GSAP: variants seen among roughly 807,000 people sequenced by gnomAD.
GSAP encodes gamma-secretase-activating protein.
Under a neutral mutation model 131.7 loss-of-function variants are expected in GSAP, and 118 were observed. The observed-to-expected ratio is 0.90, with a 90% confidence interval of 0.77 to 1.04. GSAP has a LOEUF of 1.04. GSAP is among the 50% of genes least tolerant of loss of function. The pLI is 0.00. For missense variants in GSAP, 1,019 were observed against 1,013.2 expected (o/e 1.01, Z -0.08); for synonymous variants, 381 against 363.4 (o/e 1.05, Z -0.55).
chr7:77,318,833 C>A (rs1787221393), intron 26 of GSAP, among the ~76,000 whole-genome samples: 3 of 145,158 alleles, frequency 2.1e-5, no homozygotes, highest in Admixed American at 1.5e-4. Flanking sequence ...AAAGCACAAA[C>A]AATGAAAACA....
At chr7:77,372,177 C>T (rs1486840794) in intron 12 of GSAP, among the ~76,000 whole-genome samples, 1 of 152,146 alleles carries the variant, frequency 6.6e-6, no homozygotes, top group African/African-American at 2.4e-5. Context: ...TGTAAGTAAA[C>T]AATTGGATAA....
intron 14 of GSAP, 140 bp from the exon 15 acceptor site, chr7:77,355,787 G>GTTTTTTTTTTTTTTTTTT: frequency 3.4e-6 from 1 of 291,652 alleles, no homozygotes; most frequent in Non-Finnish European, 6.1e-6. Flanking sequence ...ATGACAGCCC[G>GTTTTTTTTTTTTTTTTTT]TTTTTTTTTT....
intron 22 of GSAP, chr7:77,326,979 C>G (rs1258120387): frequency 6.6e-6 from 1 of 152,186 alleles, no homozygotes; most frequent in African/African-American, 2.4e-5. Context: ...GCAGAACCAC[C>G]CTGCTCAGTG....
chr7:77,345,687 C>T (rs1030717672), intron 19 of GSAP, among the ~76,000 whole-genome samples: 2 of 152,170 alleles, frequency 1.3e-5, no homozygotes, highest in East Asian at 1.9e-4. Flanking sequence ...TTGTGACACA[C>T]GCCCCTGCTC....
intron 10 of GSAP, 37 bp downstream of exon 10, chr7:77,376,809 CAT>C (rs1416232754): frequency 9.7e-6 from 8 of 828,292 alleles, no homozygotes; most frequent in Non-Finnish European, 1.6e-5. Context: ...AGTAATGTAT[CAT>C]AAACTTTCCT....
chr7:77,400,847 T>A (rs1218658998), intron 3 of GSAP, among the ~76,000 whole-genome samples: 1 of 151,866 alleles, frequency 6.6e-6, no homozygotes, highest in African/African-American at 2.4e-5. Flanking sequence ...ATTACAAGCA[T>A]GCTTGAAGCA....
chr7:77,350,285 AG>A (rs376579851), intron 18 of GSAP, among the ~76,000 whole-genome samples: 9,056 of 56,702 alleles, frequency 0.16, 904 homozygotes, highest in East Asian at 0.46. Flanking sequence ...GGGTGGGGGG[AG>A]GGGGGAGGGA....
upstream of GSAP, chr7:77,416,612 C>T (rs967494999): frequency 1.0e-5 from 3 of 292,788 alleles, no homozygotes; most frequent in Middle Eastern, 1.0e-3. Flanking sequence ...TCCGCGCGCA[C>T]CTTCGGGGCT....
At chr7:77,377,879 C>G (rs1247609636) in intron 8 of GSAP, among the ~76,000 whole-genome samples, 1 of 152,174 alleles carries the variant, frequency 6.6e-6, no homozygotes, top group Non-Finnish European at 1.5e-5. Flanking sequence ...TTGGGCATGC[C>G]TCTCACCTTT....
intron 3 of GSAP, among the ~76,000 whole-genome samples, chr7:77,400,220 A>G (rs558233542): frequency 4.8e-4 from 73 of 152,274 alleles, no homozygotes; most frequent in African/African-American, 1.7e-3. Context: ...AGGACTTTCA[A>G]CCATTCCCAG....
At chr7:77,367,595 T>C (rs1163090216) in intron 12 of GSAP, among the ~76,000 whole-genome samples, 1 of 152,174 alleles carries the variant, frequency 6.6e-6, no homozygotes, top group Non-Finnish European at 1.5e-5. Context: ...TGTTATTGGA[T>C]TTGGTTTCCA....
chr7:77,374,744 C>G (rs1045565341), intron 11 of GSAP, among the ~76,000 whole-genome samples: 1 of 151,972 alleles, frequency 6.6e-6, no homozygotes, highest in Non-Finnish European at 1.5e-5. Context: ...GTTTGATTGT[C>G]AATGTAGCTC....
intron 24 of GSAP, among the ~76,000 whole-genome samples, chr7:77,323,196 T>C (rs1787897310): frequency 6.6e-6 from 1 of 152,226 alleles, no homozygotes; most frequent in Admixed American, 6.5e-5. Flanking sequence ...GGTAAGGAAC[T>C]GCCAATCTCA....
At chr7:77,372,946 T>G (rs1241416597) in intron 12 of GSAP, among the ~76,000 whole-genome samples, 1 of 152,118 alleles carries the variant, frequency 6.6e-6, no homozygotes, top group East Asian at 1.9e-4. Flanking sequence ...TCCCTAGGAC[T>G]GGTGTATGAA....
intron 6 of GSAP, among the ~76,000 whole-genome samples, chr7:77,386,155 A>T (rs1403745038): frequency 6.6e-6 from 1 of 152,244 alleles, no homozygotes; most frequent in African/African-American, 2.4e-5. Context: ...TCCCAAAAAT[A>T]TAATTCTGGA....
chr7:77,403,852 C>T (rs888362884), intron 3 of GSAP, among the ~76,000 whole-genome samples: 17 of 151,992 alleles, frequency 1.1e-4, no homozygotes, highest in Admixed American at 1.1e-3. Context: ...ACCAAGAGAT[C>T]GTTAAGGGAG....
chr7:77,370,291 C>T (rs973065780), intron 12 of GSAP, among the ~76,000 whole-genome samples: 36 of 152,096 alleles, frequency 2.4e-4, no homozygotes, highest in African/African-American at 8.7e-4. Context: ...AACCCCGTCT[C>T]CACTAAAAAT....
chr7:77,395,148 G>A lies in GSAP; in HGVS notation c.367+1834C>T, dbSNP rs148962866. Among the ~76,000 whole-genome samples, 507 of 150,906 alleles carry A rather than the reference G, an allele frequency of 3.4e-3. 1 individual carries two copies. Among genetic ancestry groups the A allele is most frequent in the Non-Finnish European group, 4.1e-3 (281 of 67,760 alleles). The stretch of plus-strand genomic sequence containing the variant: ...TAAAGGACTACTGTTCTGTGTGACA[G>A]TCAGGCATAGATGGTGAACAATAGA... On this transcript the variant is annotated intron_variant, in intron 5 of 30. Transcript: ENST00000257626.
chr7:77,378,473 G>T (rs1032539019), intron 8 of GSAP, among the ~76,000 whole-genome samples: 3 of 151,004 alleles, frequency 2.0e-5, no homozygotes, highest in Admixed American at 1.3e-4. Context: ...GACAGAGCAA[G>T]AGTCCATCTC....
Sources: gnomAD v4.1 joint callset for allele counts (sites outside exome capture counted in the v4.1 genomes callset) on GRCh38, gnomAD v4.1.1 for gene constraint, MANE v1.5 for transcripts, NCBI Gene and HGNC (gene_info 2026-07-23, HGNC 2026-07-21) for gene names.